The following CADPS variants were observed in gnomAD, a reference collection of about 807,000 sequenced individuals.
The protein encoded by CADPS is calcium-dependent secretion activator 1.
Under a neutral mutation model 167.3 loss-of-function variants are expected in CADPS, and 57 were observed. That is an observed-to-expected ratio of 0.34 (90% CI 0.28 to 0.42). The LOEUF (loss-of-function observed/expected upper bound fraction) is 0.42, where lower values mean the gene tolerates loss of function less well. Among genes scored for constraint, CADPS ranks in the 20% least tolerant of loss-of-function variants. The pLI, the probability that CADPS is intolerant of heterozygous loss-of-function variation, is 1.00. For synonymous variants in CADPS, 676 were observed against 635.3 expected (o/e 1.06, Z -0.96); for missense variants, 1,414 against 1,738.1 (o/e 0.81, Z 3.32).
chr3:62,773,626 G>A (rs2089499148), intron 1 of CADPS, among the ~76,000 whole-genome samples: 1 of 151,954 alleles, frequency 6.6e-6, no homozygotes, highest in African/African-American at 2.4e-5. Context: ...TTTTGTTTTT[G>A]CATTAAACTT....
intron 9 of CADPS, among the ~76,000 whole-genome samples, chr3:62,560,879 G>T (rs1469575849): frequency 6.6e-6 from 1 of 152,034 alleles, no homozygotes; most frequent in Non-Finnish European, 1.5e-5. Flanking sequence ...AGGAGTTTGA[G>T]ACCAGCCTGG....
chr3:62,803,150 C>A (rs925861887), intron 1 of CADPS, among the ~76,000 whole-genome samples: 10 of 152,108 alleles, frequency 6.6e-5, no homozygotes, highest in African/African-American at 2.4e-4. Flanking sequence ...CTCCACATTG[C>A]TACACCTGCT....
intron 2 of CADPS, among the ~76,000 whole-genome samples, chr3:62,754,112 G>A (rs999773993): frequency 6.6e-6 from 1 of 152,170 alleles, no homozygotes; most frequent in African/African-American, 2.4e-5. Context: ...GTGGGACTTT[G>A]GGCAAGTTAA....
At chr3:62,705,342 C>T (rs967277951) in intron 3 of CADPS, among the ~76,000 whole-genome samples, 4 of 152,144 alleles carry the variant, frequency 2.6e-5, no homozygotes, top group African/African-American at 9.7e-5. Context: ...CCATCTCTTC[C>T]AGCATCTTTC....
chr3:62,774,710 T>G (rs756108995), intron 1 of CADPS, among the ~76,000 whole-genome samples: 20 of 152,286 alleles, frequency 1.3e-4, no homozygotes, highest in East Asian at 3.9e-4. Context: ...TAGAGATGAG[T>G]AGAGGACAGT....
chr3:62,482,009 G>T, intron 21 of CADPS, 140 bp from the exon 22 acceptor site: 2 of 792,022 alleles, frequency 2.5e-6, no homozygotes, highest in Non-Finnish European at 2.1e-6. Flanking sequence ...ACTTCAGAAA[G>T]CAGCTTACAG....
chr3:62,691,266 G>C (rs978727190), intron 3 of CADPS, among the ~76,000 whole-genome samples: 2 of 151,938 alleles, frequency 1.3e-5, no homozygotes, highest in Non-Finnish European at 2.9e-5. Flanking sequence ...TTATGTATTT[G>C]CCAAAACCTA....
At chr3:62,867,478 GT>G (rs2081915771) in intron 1 of CADPS, among the ~76,000 whole-genome samples, 1 of 152,122 alleles carries the variant, frequency 6.6e-6, no homozygotes, top group East Asian at 1.9e-4. Context: ...ATGGGTCCCT[GT>G]TTTTTGTTCA....
At chr3:62,702,275 C>A (rs955445428) in intron 3 of CADPS, among the ~76,000 whole-genome samples, 3 of 152,130 alleles carry the variant, frequency 2.0e-5, no homozygotes, top group African/African-American at 7.2e-5. Context: ...TGCATGCAAA[C>A]ATTTGAATGC....
At chr3:62,855,068 G>T (rs1294422463) in intron 1 of CADPS, among the ~76,000 whole-genome samples, 2 of 144,438 alleles carry the variant, frequency 1.4e-5, no homozygotes, top group Non-Finnish European at 3.0e-5. Flanking sequence ...GGGACTACAG[G>T]CACGTGCCAT....
chr3:62,869,629 C>G (rs1035010617), intron 1 of CADPS, among the ~76,000 whole-genome samples: 9 of 152,220 alleles, frequency 5.9e-5, no homozygotes, highest in African/African-American at 1.9e-4. Context: ...TAATCAGCGT[C>G]TTACAACTAA....
At chr3:62,787,504 A>G (rs1913228) in intron 1 of CADPS, among the ~76,000 whole-genome samples, 83,753 of 152,008 alleles carry the variant, frequency 0.55, 25,910 homozygotes, top group East Asian at 0.88. Context: ...ACATTATTTT[A>G]TCTATGACTC....
At chr3:62,513,973 T>A (rs986230837) in intron 16 of CADPS, among the ~76,000 whole-genome samples, 1 of 151,940 alleles carries the variant, frequency 6.6e-6, no homozygotes, top group Admixed American at 6.6e-5. Context: ...GACCAAAACA[T>A]CATGAGTAAA....
chr3:62,707,554 T>C (rs979449297), intron 3 of CADPS, among the ~76,000 whole-genome samples: 7 of 152,094 alleles, frequency 4.6e-5, no homozygotes, highest in Non-Finnish European at 1.0e-4. Flanking sequence ...GATTGGCAAG[T>C]TTTCATAAAG....
At chr3:62,660,330 G>C (rs1324613708) in intron 4 of CADPS, among the ~76,000 whole-genome samples, 2 of 152,224 alleles carry the variant, frequency 1.3e-5, no homozygotes, top group African/African-American at 4.8e-5. Flanking sequence ...CCATTTTCTG[G>C]ATAATCCACC....
At chr3:62,435,541 T>C (rs2054827240) in intron 28 of CADPS, among the ~76,000 whole-genome samples, 1 of 152,164 alleles carries the variant, frequency 6.6e-6, no homozygotes, top group Admixed American at 6.5e-5. Flanking sequence ...ATTCAATAAC[T>C]TTTTTTGCAC....
intron 2 of CADPS, among the ~76,000 whole-genome samples, chr3:62,760,238 G>T (rs2085065251): frequency 6.6e-6 from 1 of 151,746 alleles, no homozygotes; most frequent in Admixed American, 6.6e-5. Flanking sequence ...ATTAATAATG[G>T]AACTGTCCAG....
chr3:62,405,877 G>T (rs1708296296), intron 28 of CADPS, among the ~76,000 whole-genome samples: 1 of 152,220 alleles, frequency 6.6e-6, no homozygotes, highest in South Asian at 2.1e-4. Flanking sequence ...CCAGAAAGGC[G>T]CTTCAAGGCA....
chr3:62,574,564 T>C (rs1016154532), intron 8 of CADPS, among the ~76,000 whole-genome samples: 9 of 152,214 alleles, frequency 5.9e-5, no homozygotes, highest in Admixed American at 6.5e-5. Context: ...CTAGCTGTCC[T>C]GGTCAGTGCT....
Sources: allele counts gnomAD v4.1 joint callset (sites outside exome capture counted in the v4.1 genomes callset), GRCh38; gene constraint gnomAD v4.1.1; transcripts MANE v1.5; gene names NCBI Gene and HGNC (gene_info 2026-07-23, HGNC 2026-07-21).